Variants in SPATS2L observed in about 807,000 individuals in gnomAD.
SPATS2L encodes spermatogenesis associated serine rich 2 like.
In SPATS2L, 30 loss-of-function variants were observed where a neutral mutation model predicts 59.6. The observed-to-expected ratio is 0.50, with a 90% CI of 0.38 to 0.68. SPATS2L has a LOEUF of 0.68. Among genes scored for constraint, SPATS2L ranks in the 30% least tolerant of loss-of-function variants. The pLI is 0.00. For missense variants in SPATS2L, 615 were observed against 700.0 expected, an observed-to-expected ratio of 0.88 and a Z score of 1.37; for synonymous variants, 252 against 263.5, an observed-to-expected ratio of 0.96 and a Z score of 0.42.
At chr2:200,455,820 G>C (rs1029909861) in intron 8 of SPATS2L, among the ~76,000 whole-genome samples, 5 of 152,124 alleles carry the variant, frequency 3.3e-5, no homozygotes, top group African/African-American at 9.7e-5. Flanking sequence ...GTCTGTCTCT[G>C]TCCTGGTACC....
intron 9 of SPATS2L, among the ~76,000 whole-genome samples, chr2:200,466,925 C>A (rs1020586255): frequency 1.1e-4 from 17 of 152,162 alleles, no homozygotes; most frequent in African/African-American, 3.1e-4. Context: ...CCTGTCTTGG[C>A]GGTATCACTC....
intron 8 of SPATS2L, among the ~76,000 whole-genome samples, chr2:200,448,275 C>T (rs1264213570): frequency 6.6e-6 from 1 of 152,116 alleles, no homozygotes; most frequent in Non-Finnish European, 1.5e-5. Context: ...AACCCTGTCT[C>T]TACTAAAAAT....
At chr2:200,475,803 T>G (rs1402687849) in intron 12 of SPATS2L, among the ~76,000 whole-genome samples, 1 of 152,232 alleles carries the variant, frequency 6.6e-6, no homozygotes, top group Non-Finnish European at 1.5e-5. Flanking sequence ...CCTTATATAT[T>G]TGTAACTCAT....
chr2:200,351,522 A>G (rs1380212112), intron 2 of SPATS2L, among the ~76,000 whole-genome samples: 2 of 152,208 alleles, frequency 1.3e-5, no homozygotes, highest in African/African-American at 4.8e-5. Flanking sequence ...ACTTTTCTCC[A>G]ACACCTGATG....
At chr2:200,418,370 T>A (rs980383714) in intron 5 of SPATS2L, among the ~76,000 whole-genome samples, 10 of 152,028 alleles carry the variant, frequency 6.6e-5, no homozygotes, top group Non-Finnish European at 1.3e-4. Context: ...CCCAGAAGTT[T>A]GAGACCAGCT....
In SPATS2L at chr2:200,431,240, T is replaced by C. The variant is rs975223887; in HGVS notation, c.446-7882T>C. On this transcript the variant is annotated intron_variant, in intron 6 of 12. Coordinates refer to ENST00000409140, the MANE Select transcript of SPATS2L (RefSeq NM_001100423.2). ...ACTGATTGGTAGAGGGATGGAACTT[T>C]TTAAGAAGTTTCTTTTCCATTTGTA... 1.0e-3 allele frequency among the ~76,000 whole-genome samples: 156 copies of C among 152,352 alleles called. 2 individuals are homozygous for C. Among genetic ancestry groups the C allele is most frequent in the Non-Finnish European group, 1.3e-4 (9 of 68,036 alleles).
chr2:200,428,709 G>A (rs1005885656), intron 6 of SPATS2L, among the ~76,000 whole-genome samples: 1 of 152,040 alleles, frequency 6.6e-6, no homozygotes, highest in Non-Finnish European at 1.5e-5. Context: ...CTTCCCAGTC[G>A]TGGCTCTCTT....
intron 2 of SPATS2L, among the ~76,000 whole-genome samples, chr2:200,334,542 T>C: frequency 6.6e-6 from 1 of 151,822 alleles, no homozygotes; most frequent in Non-Finnish European, 1.5e-5. Context: ...CAATTTTGGC[T>C]TTTGTTGCCA....
intron 2 of SPATS2L, among the ~76,000 whole-genome samples, chr2:200,385,102 G>C (rs550477900): frequency 2.6e-5 from 4 of 152,310 alleles, no homozygotes; most frequent in Admixed American, 1.3e-4. Flanking sequence ...AGATTTAAAA[G>C]CTCCTGTGGT....
intron 12 of SPATS2L, among the ~76,000 whole-genome samples, chr2:200,476,324 C>T (rs1185923214): frequency 6.6e-6 from 1 of 152,046 alleles, no homozygotes; most frequent in Non-Finnish European, 1.5e-5. Context: ...CTGCCAGATA[C>T]ACTTCACCCC....
chr2:200,403,410 G>C (rs1344198393), intron 3 of SPATS2L, among the ~76,000 whole-genome samples: 1 of 152,158 alleles, frequency 6.6e-6, no homozygotes, highest in Non-Finnish European at 1.5e-5. Context: ...AAAGCAAAGG[G>C]CTGGACTGCA....
intron 1 of SPATS2L, among the ~76,000 whole-genome samples, chr2:200,317,262 A>T (rs920999902): frequency 6.6e-6 from 1 of 152,240 alleles, no homozygotes; most frequent in African/African-American, 2.4e-5. Context: ...GAGTCATGCC[A>T]TTGCTGGCTA....
In SPATS2L at chr2:200,349,505, G is replaced by C. The variant is rs192246924; in HGVS notation, c.-23+20025G>C. Among the ~76,000 whole-genome samples the C allele has an allele frequency of 2.9e-3, 440 of 152,330 alleles. 1 individual carries two copies. Among genetic ancestry groups the C allele is most frequent in the African/African-American group, 0.01 (424 of 41,574 alleles). Reference sequence around the variant, plus strand: ...ACAAAAAAATTAGCCGAATGTGATGGCACATGCCTGTAATCTCAGCTACTT... The same window carrying C: ...ACAAAAAAATTAGCCGAATGTGATGCCACATGCCTGTAATCTCAGCTACTT... On this transcript the variant is annotated intron_variant, in intron 2 of 12. Coordinates refer to ENST00000409140, the MANE Select transcript of SPATS2L (RefSeq NM_001100423.2).
rs553739999 is a variant in SPATS2L at position 200,478,554 on chromosome 2, A to C, written c.*523A>C. 1.3e-5 allele frequency: 2 copies of C among 152,668 alleles called. No individual in the cohort carries two copies. Among genetic ancestry groups the C allele is most frequent in the Non-Finnish European group, 2.9e-5 (2 of 68,070 alleles). The allele number at this position is 152,668 out of a possible 1,614,324, so 9.5% of individuals were successfully genotyped here. A position where few individuals can be genotyped will look rare whatever the true frequency, so the allele number is the denominator to read the frequency against. On this transcript the variant is annotated 3_prime_UTR_variant, in exon 13 of 13. Coordinates refer to ENST00000409140, the MANE Select transcript of SPATS2L (RefSeq NM_001100423.2). ...GACACCTGGCTAGTTTCTTTTATTG[A>C]TACCCACCTAGTTATTGAATGTACT...
At chr2:200,475,052 A>G (rs2087407114) in intron 12 of SPATS2L, among the ~76,000 whole-genome samples, 1 of 152,204 alleles carries the variant, frequency 6.6e-6, no homozygotes, top group Non-Finnish European at 1.5e-5. Context: ...TGTATACATC[A>G]TCTTGAAGAT....
intron 2 of SPATS2L, among the ~76,000 whole-genome samples, chr2:200,369,366 C>A (rs1052405284): frequency 6.6e-6 from 1 of 152,084 alleles, no homozygotes; most frequent in African/African-American, 2.4e-5. Context: ...ATCATGTTGG[C>A]CAAGCTGGTC....
chr2:200,353,992 A>G (rs2080825595), intron 2 of SPATS2L, among the ~76,000 whole-genome samples: 1 of 152,182 alleles, frequency 6.6e-6, no homozygotes, highest in African/African-American at 2.4e-5. Flanking sequence ...AATGAAGTTA[A>G]ACATTTCCCA....
At chr2:200,431,010 AC>A (rs1258044688) in intron 6 of SPATS2L, among the ~76,000 whole-genome samples, 1 of 151,920 alleles carries the variant, frequency 6.6e-6, no homozygotes, top group Non-Finnish European at 1.5e-5. Context: ...GAACCATCGC[AC>A]CCGGCCTCCA....
chr2:200,399,765 G>A (rs1007122189), intron 3 of SPATS2L, among the ~76,000 whole-genome samples: 1 of 152,136 alleles, frequency 6.6e-6, no homozygotes, highest in African/African-American at 2.4e-5. Flanking sequence ...TTTCCATGGT[G>A]TTTAAATCAT....
Sources: gnomAD v4.1 joint callset for allele counts (sites outside exome capture counted in the v4.1 genomes callset) on GRCh38, gnomAD v4.1.1 for gene constraint, MANE v1.5 for transcripts, NCBI Gene and HGNC (gene_info 2026-07-23, HGNC 2026-07-21) for gene names.